The following TET3 variants were observed in gnomAD, a reference collection of about 807,000 sequenced individuals.
TET3 encodes tet methylcytosine dioxygenase 3.
Under a neutral mutation model 141.4 loss-of-function variants are expected in TET3, and 19 were observed. The observed-to-expected ratio is 0.13, with a 90% CI of 0.09 to 0.20. TET3 has a LOEUF of 0.20. Ranked by LOEUF, TET3 falls within the 10% of genes least tolerant of loss-of-function variation. The pLI is 1.00. For missense variants in TET3, 1,874 were observed against 2,356.9 expected (o/e 0.80, Z 4.24); for synonymous variants, 1,043 against 980.9 (o/e 1.06, Z -1.18).
chr2:74,063,153 G>A (rs1356309534), intron 4 of TET3, among the ~76,000 whole-genome samples: 1 of 151,452 alleles, frequency 6.6e-6, no homozygotes, highest in Non-Finnish European at 1.5e-5. Flanking sequence ...CAAAGTGTTG[G>A]GATTACAGGC....
chr2:74,061,690 C>CA (rs1558759116), intron 4 of TET3, among the ~76,000 whole-genome samples: 1 of 147,730 alleles, frequency 6.8e-6, no homozygotes, highest in Non-Finnish European at 1.5e-5. Context: ...AGGGGCTCCT[C>CA]ACTTCTCAGA....
intron 10 of TET3, among the ~76,000 whole-genome samples, chr2:74,094,576 G>T (rs1690696581): frequency 6.6e-6 from 1 of 152,200 alleles, no homozygotes; most frequent in Admixed American, 6.5e-5. Context: ...GCAGAGTGAG[G>T]TGAACGGGAG....
intron 3 of TET3, among the ~76,000 whole-genome samples, chr2:74,009,655 A>G (rs1685323988): frequency 6.6e-6 from 1 of 152,130 alleles, no homozygotes; most frequent in Admixed American, 6.5e-5. Context: ...GACACTCTTC[A>G]TGGCTTCAGT....
chr2:74,039,937 T>G (rs1241167346), intron 3 of TET3, among the ~76,000 whole-genome samples: 2 of 152,132 alleles, frequency 1.3e-5, no homozygotes, highest in South Asian at 2.1e-4. Context: ...GCATCACTTC[T>G]ATTATCACGA....
intron 10 of TET3, among the ~76,000 whole-genome samples, chr2:74,096,720 A>T (rs965653971): frequency 6.6e-6 from 1 of 150,602 alleles, no homozygotes; most frequent in Admixed American, 6.7e-5. Flanking sequence ...GTGAGCCGAG[A>T]TGGCGCCACT....
chr2:74,092,833 T>C (rs1193170556), intron 8 of TET3, 69 bp from the exon 9 acceptor site: 5 of 1,364,348 alleles, frequency 3.7e-6, no homozygotes, highest in Non-Finnish European at 5.1e-6. Context: ...GGAATGCCAG[T>C]CCACTTCCAG....
the TET3 span, among the ~76,000 whole-genome samples, chr2:74,126,917 G>A: frequency 6.6e-6 from 1 of 152,254 alleles, no homozygotes; most frequent in South Asian, 2.1e-4. Flanking sequence ...TGGCCACGTA[G>A]GAATTAGCAT....
At chr2:74,078,827 C>A (rs1689651603) in intron 5 of TET3, among the ~76,000 whole-genome samples, 1 of 152,008 alleles carries the variant, frequency 6.6e-6, no homozygotes, top group Non-Finnish European at 1.5e-5. Flanking sequence ...GTGTTAATTG[C>A]TCAAATAAAA....
upstream of TET3, among the ~76,000 whole-genome samples, chr2:73,984,629 A>C (rs1683899813): frequency 6.6e-6 from 1 of 151,578 alleles, no homozygotes; most frequent in Non-Finnish European, 1.5e-5. This position sits in a 1 kb window ranked among gnomAD's most constrained non-coding sequence, Gnocchi z 5.6. Flanking sequence ...GCCCCGCCGG[A>C]GGGCGAGGGT....
At chr2:74,113,326 C>T in the TET3 span, among the ~76,000 whole-genome samples, 11 of 152,188 alleles carry the variant, frequency 7.2e-5, no homozygotes, top group South Asian at 4.2e-4. Context: ...GTGGAGGTTG[C>T]AGTAAGCGGA....
At chr2:74,096,026 C>A (rs985154746) in intron 10 of TET3, among the ~76,000 whole-genome samples, 4 of 152,180 alleles carry the variant, frequency 2.6e-5, no homozygotes. Context: ...TTTCTTCTTA[C>A]ACATTTGAAT....
rs1267762190 is a variant in TET3 at position 74,087,237 on chromosome 2, G to C, written c.2680-593G>C. On this transcript the variant is annotated intron_variant, in intron 6 of 11. Coordinates refer to ENST00000409262, the MANE Select transcript of TET3 (RefSeq NM_001287491.2). This position sits in a 1 kb window ranked among gnomAD's most constrained non-coding sequence, Gnocchi z 4.3. ...TCATCAACCGATGGACCCTGGGGGT[G>C]CTTCCACCTTTTGGCTGTTGTGAAT... is the stretch of plus-strand genomic sequence containing the variant. 6.6e-6 allele frequency among the ~76,000 whole-genome samples: 1 copy of C among 152,186 alleles called. No individual in the cohort carries two copies. Among genetic ancestry groups the C allele is most frequent in the African/African-American group, 2.4e-5 (1 of 41,438 alleles).
At chr2:74,019,522 A>G (rs984987042) in intron 3 of TET3, among the ~76,000 whole-genome samples, 2 of 152,136 alleles carry the variant, frequency 1.3e-5, no homozygotes, top group Non-Finnish European at 2.9e-5. Context: ...TGTGTGCCTG[A>G]GTGTGAGTTC....
At chr2:74,015,982 A>G (rs1295157546) in intron 3 of TET3, among the ~76,000 whole-genome samples, 8 of 152,056 alleles carry the variant, frequency 5.3e-5, no homozygotes, top group African/African-American at 1.9e-4. Context: ...TATTACATCC[A>G]TATTACTCTT....
At chr2:74,081,094 A>AG (rs1277729133) in intron 6 of TET3, among the ~76,000 whole-genome samples, 4 of 152,218 alleles carry the variant, frequency 2.6e-5, no homozygotes, top group Non-Finnish European at 5.9e-5. Context: ...GGAAGAGGCC[A>AG]GGGCTCTGGG....
chr2:74,005,936 C>T (rs182484455), intron 3 of TET3, among the ~76,000 whole-genome samples: 3 of 152,284 alleles, frequency 2.0e-5, no homozygotes, highest in Admixed American at 6.5e-5. Context: ...TGCCCAGTGC[C>T]GAGAACACCG....
At chr2:74,090,101 T>C in intron 8 of TET3, 54 bp downstream of exon 8, 3 of 1,601,796 alleles carry the variant, frequency 1.9e-6, no homozygotes, top group South Asian at 2.2e-5. Flanking sequence ...CCTGGCGTCC[T>C]TCATGGTCCA....
intron 2 of TET3, among the ~76,000 whole-genome samples, chr2:73,994,856 C>T (rs1009064894): frequency 6.6e-6 from 1 of 151,582 alleles, no homozygotes; most frequent in East Asian, 1.9e-4. Context: ...AGGCTGGTCT[C>T]GAACTCCTGA....
chr2:74,101,255 G>T lies in TET3; in HGVS notation c.4467G>T (p.Gln1489His), dbSNP rs770716236. 6.2e-7 allele frequency: 1 copy of T among 1,612,770 alleles called. No individual in the cohort carries two copies. Among genetic ancestry groups the T allele is most frequent in the East Asian group, 2.2e-5 (1 of 44,858 alleles). ...CCCCTTCCCACTTCACAGATGGCCAGTGGGGGCTGTTCCCCGGTGAGGGGC... is the reference window on the plus strand; with the variant it reads ...CCCCTTCCCACTTCACAGATGGCCATTGGGGGCTGTTCCCCGGTGAGGGGC... ...CLAPSHFTDGQWGLFPGEGQQ... is the reference protein window; with the variant it reads ...CLAPSHFTDGHWGLFPGEGQQ... Residue 1489 changes from glutamine to histidine, a missense_variant, in exon 12 of 12, where the codon CAG becomes CAT. Physicochemically the swap from Gln to His is conservative, Grantham distance 24. Transcript: ENST00000409262. The surrounding 1 kb of genome is among the most constrained non-coding windows in gnomAD (Gnocchi z 8.5).
Sources: allele counts gnomAD v4.1 joint callset (sites outside exome capture counted in the v4.1 genomes callset), GRCh38; gene constraint gnomAD v4.1.1; non-coding constraint Gnocchi (gnomAD v3.1); transcripts MANE v1.5; gene names NCBI Gene and HGNC (gene_info 2026-07-23, HGNC 2026-07-21).